The following MGAT4C variants were observed in gnomAD, a reference collection of about 807,000 sequenced individuals.
The protein encoded by MGAT4C is MGAT4 family member C.
A neutral mutation model predicts 40.1 loss-of-function variants in MGAT4C; 19 were observed. That is an observed-to-expected ratio of 0.47 (90% CI 0.33 to 0.70). The LOEUF (loss-of-function observed/expected upper bound fraction) is 0.70. MGAT4C is among the 30% of genes least tolerant of loss of function. The pLI is 0.02. For synonymous variants in MGAT4C, 181 were observed against 187.1 expected (o/e 0.97, Z 0.27); for missense variants, 491 against 563.2 (o/e 0.87, Z 1.30).
intron 2 of MGAT4C, among the ~76,000 whole-genome samples, chr12:86,464,850 C>T (rs577922790): frequency 7.3e-4 from 111 of 151,832 alleles, no homozygotes; most frequent in Middle Eastern, 3.4e-3. Context: ...GACAAACAAG[C>T]GTATGACTTC....
rs993968590 is a variant in MGAT4C, at chr12:86,762,519, C to T, written c.-261-35278G>A. ...TCAGGACCAGGTAATATGGCTCTCT[C>T]ACATAGCCACTCAAACTTTCAGACC... On this transcript the variant is annotated intron_variant, in intron 1 of 7. Coordinates refer to the MGAT4C transcript ENST00000548651. Among the ~76,000 whole-genome samples, 7 of 152,178 alleles carry T rather than the reference C, an allele frequency of 4.6e-5. No individual in the cohort carries two copies. In the South Asian group the frequency reaches 1.0e-3, roughly 23 times the overall value.
intron 3 of MGAT4C, among the ~76,000 whole-genome samples, chr12:86,420,859 A>C (rs1327396414): frequency 6.8e-6 from 1 of 146,040 alleles, no homozygotes; most frequent in Non-Finnish European, 1.5e-5. Flanking sequence ...ATACATATAT[A>C]TGTGTATATA....
chr12:86,803,518 T>C (rs1214141876), intron 1 of MGAT4C, among the ~76,000 whole-genome samples: 1 of 151,996 alleles, frequency 6.6e-6, no homozygotes, highest in Admixed American at 6.6e-5. Flanking sequence ...CCTACTCATC[T>C]GACAAAGGGC....
chr12:86,267,873 T>G (rs965919064), intron 4 of MGAT4C, among the ~76,000 whole-genome samples: 1 of 152,156 alleles, frequency 6.6e-6, no homozygotes, highest in Admixed American at 6.5e-5. Context: ...ACGTATCAAT[T>G]GCAAACAAGC....
rs530479749 is a variant in MGAT4C at position 86,443,992 on chromosome 12, G to A, written c.-228-8727C>T. Among the ~76,000 whole-genome samples, 7 of 151,960 alleles carry A rather than the reference G, an allele frequency of 4.6e-5. No homozygotes were observed. The South Asian group carries it at 1.3e-3, about 27-fold the overall frequency. ...CCCTCTGCGTTAATTCATCCTCATCGGTGTTTAATACTGTTTTAATATTTT... is the reference window on the plus strand; with the variant it reads ...CCCTCTGCGTTAATTCATCCTCATCAGTGTTTAATACTGTTTTAATATTTT... On this transcript the variant is annotated intron_variant, in intron 2 of 7. Transcript: ENST00000548651.
At chr12:86,206,027 A>C (rs981108906) in intron 1 of MGAT4C, among the ~76,000 whole-genome samples, 3 of 152,066 alleles carry the variant, frequency 2.0e-5, no homozygotes, top group African/African-American at 7.2e-5. Flanking sequence ...GGTAGTACAG[A>C]AGGTATATTT....
chr12:86,791,564 T>C (rs1952022643), intron 1 of MGAT4C, among the ~76,000 whole-genome samples: 1 of 152,082 alleles, frequency 6.6e-6, no homozygotes, highest in African/African-American at 2.4e-5. Context: ...ATTTAGGTGA[T>C]AGTATGCCCA....
chr12:86,103,471 A>T (rs555478425), intron 1 of MGAT4C, among the ~76,000 whole-genome samples: 1 of 152,280 alleles, frequency 6.6e-6, no homozygotes, highest in South Asian at 2.1e-4. Context: ...AGAAATGCCA[A>T]CTACCAGAAG....
chr12:86,338,481 G>T (rs1566300481), intron 3 of MGAT4C, among the ~76,000 whole-genome samples: 2 of 152,166 alleles, frequency 1.3e-5, no homozygotes, highest in Non-Finnish European at 2.9e-5. Flanking sequence ...AGGCAGTTGA[G>T]TTCCCCGGTA....
At chr12:86,700,321 T>C (rs1290789216) in intron 2 of MGAT4C, among the ~76,000 whole-genome samples, 4 of 151,970 alleles carry the variant, frequency 2.6e-5, no homozygotes, top group Non-Finnish European at 4.4e-5. Flanking sequence ...AGAGTTAATT[T>C]TAGAGAGAGA....
At chr12:86,695,839 A>G (rs940072849) in intron 2 of MGAT4C, among the ~76,000 whole-genome samples, 10 of 152,126 alleles carry the variant, frequency 6.6e-5, no homozygotes, top group Admixed American at 2.0e-4. Context: ...AAATAGAAAA[A>G]ATGAATAAAA....
chr12:86,018,780 G>A (rs967882922), intron 2 of MGAT4C, among the ~76,000 whole-genome samples: 3 of 152,002 alleles, frequency 2.0e-5, no homozygotes, highest in African/African-American at 4.8e-5. Context: ...GAGAGACTAA[G>A]TATCCTACAA....
intron 2 of MGAT4C, among the ~76,000 whole-genome samples, chr12:86,636,841 T>C (rs11104017): frequency 0.035 from 5,297 of 152,102 alleles, 140 homozygotes; most frequent in Non-Finnish European, 0.048. Flanking sequence ...ATTATCAAAG[T>C]AAATCATTTA....
intron 2 of MGAT4C, among the ~76,000 whole-genome samples, chr12:86,598,793 G>C (rs1351414258): frequency 6.6e-6 from 1 of 152,018 alleles, no homozygotes; most frequent in Non-Finnish European, 1.5e-5. Context: ...TAATGGAAAA[G>C]GTTTAAACTT....
intron 2 of MGAT4C, among the ~76,000 whole-genome samples, chr12:86,723,992 A>G (rs1950779818): frequency 1.3e-5 from 2 of 152,276 alleles, no homozygotes; most frequent in Admixed American, 6.5e-5. Context: ...TAAAATAGGA[A>G]AGCAAAGTTT....
At chr12:86,570,858 G>C (rs1960333455) in intron 2 of MGAT4C, among the ~76,000 whole-genome samples, 1 of 151,914 alleles carries the variant, frequency 6.6e-6, no homozygotes, top group African/African-American at 2.4e-5. Context: ...CTGTCATCCA[G>C]GCTGGAATGC....
intron 2 of MGAT4C, among the ~76,000 whole-genome samples, chr12:86,690,440 G>A (rs930244820): frequency 1.3e-5 from 2 of 152,158 alleles, no homozygotes; most frequent in African/African-American, 4.8e-5. Flanking sequence ...GGCCCTGGTG[G>A]TGTAGGCACC....
intron 2 of MGAT4C, among the ~76,000 whole-genome samples, chr12:86,575,572 T>A (rs1196014966): frequency 2.0e-5 from 3 of 151,908 alleles, no homozygotes; most frequent in Non-Finnish European, 2.9e-5. Context: ...TACTCCATTG[T>A]GTATATGTAT....
chr12:86,608,425 TA>T (rs1962121549), intron 2 of MGAT4C, among the ~76,000 whole-genome samples: 2 of 151,712 alleles, frequency 1.3e-5, no homozygotes, highest in Admixed American at 1.3e-4. Flanking sequence ...CAAAAAAATT[TA>T]AAAAAATAAC....
Sources: allele counts gnomAD v4.1 joint callset (sites outside exome capture counted in the v4.1 genomes callset), GRCh38; gene constraint gnomAD v4.1.1; transcripts MANE v1.5; gene names NCBI Gene and HGNC (gene_info 2026-07-23, HGNC 2026-07-21).